Variants in ANKRD31 observed in about 807,000 individuals in gnomAD.
The protein encoded by ANKRD31 is ankyrin repeat domain 31.
In ANKRD31, 147 loss-of-function variants were observed where a neutral mutation model predicts 186.0. The ratio of observed to expected loss-of-function variants is 0.79; its 90% confidence interval spans 0.69 to 0.91. The LOEUF (loss-of-function observed/expected upper bound fraction) is 0.91, where lower values mean the gene tolerates loss of function less well. ANKRD31 is among the 40% of genes least tolerant of loss of function. ANKRD31 has a pLI of 0.00. For synonymous variants in ANKRD31, 673 were observed against 736.4 expected (o/e 0.91, Z 1.39); for missense variants, 1,986 against 2,148.8 (o/e 0.92, Z 1.50).
chr5:75,211,355 T>C (rs558784302), intron 3 of ANKRD31, among the ~76,000 whole-genome samples: 153 of 152,368 alleles, frequency 1.0e-3, no homozygotes, highest in African/African-American at 3.2e-3. Flanking sequence ...TATTCTACTG[T>C]ATGTATGTAC....
In ANKRD31 at chr5:75,105,126, T is replaced by C. The variant is rs753388212; in HGVS notation, c.4433A>G (p.Lys1478Arg). 3.3e-6 allele frequency: 5 copies of C among 1,537,088 alleles called. No individual in the cohort carries two copies. Among genetic ancestry groups the C allele is most frequent in the Non-Finnish European group, 4.4e-6 (5 of 1,146,844 alleles). The part of the protein sequence containing the change: ...RQKSLLVVAK[K>R]QKKISLKIQN... ...AATTTTCAGGCTTATTTTTTTCTGT[T>C]TTTTTGCCACAACTAAAAGGCTCTT... Residue 1478 changes from lysine (K) to arginine (R), a missense_variant, in exon 22 of 26, where the codon AAA becomes AGA. Coordinates refer to ENST00000506364, the MANE Select transcript of ANKRD31 (RefSeq NM_001372053.1).
chr5:75,207,673 T>C (rs1580558994), intron 4 of ANKRD31, among the ~76,000 whole-genome samples: 1 of 152,262 alleles, frequency 6.6e-6, no homozygotes, highest in East Asian at 1.9e-4. Flanking sequence ...ATCTGCAAGA[T>C]GATCCCAATT....
intron 10 of ANKRD31, among the ~76,000 whole-genome samples, chr5:75,178,281 A>G (rs1753985438): frequency 6.6e-6 from 1 of 152,202 alleles, no homozygotes; most frequent in African/African-American, 2.4e-5. Flanking sequence ...ACACATTAAT[A>G]ATGGGAGACT....
At chr5:75,175,596 A>G (rs1418648441) in intron 10 of ANKRD31, among the ~76,000 whole-genome samples, 1 of 151,960 alleles carries the variant, frequency 6.6e-6, no homozygotes, top group African/African-American at 2.4e-5. Flanking sequence ...CATTCATCAA[A>G]TGGCATATTT....
intron 5 of ANKRD31, among the ~76,000 whole-genome samples, chr5:75,200,911 CA>C (rs10664301): frequency 6.7e-4 from 88 of 131,556 alleles, no homozygotes; most frequent in South Asian, 1.5e-3. Flanking sequence ...GACTTCGCCT[CA>C]AAAAAAAAAA....
intron 3 of ANKRD31, among the ~76,000 whole-genome samples, chr5:75,219,962 T>A (rs962183129): frequency 3.9e-5 from 6 of 152,236 alleles, no homozygotes; most frequent in African/African-American, 1.4e-4. Context: ...ACTGGACCCC[T>A]TTCTTATACC....
At chr5:75,069,275 AT>A (rs34733519) in intron 25 of ANKRD31, among the ~76,000 whole-genome samples, 76,729 of 150,410 alleles carry the variant, frequency 0.51, 22,473 homozygotes, top group African/African-American at 0.82. Context: ...AGTCTGAGAG[AT>A]TTTTTTTTTT....
intron 11 of ANKRD31, among the ~76,000 whole-genome samples, chr5:75,157,338 G>A (rs967466932): frequency 6.6e-6 from 1 of 152,180 alleles, no homozygotes; most frequent in African/African-American, 2.4e-5. Context: ...TAAACTTAGA[G>A]GTTTGGCTGA....
rs1225908372 is a variant in ANKRD31 at position 75,146,306 on chromosome 5, C to T, written c.3105G>A (p.Gln1035=). Residue 1035 remains glutamine, a synonymous_variant, in exon 14 of 26, where the codon CAG becomes CAA. Coordinates refer to ENST00000506364, the MANE Select transcript of ANKRD31 (RefSeq NM_001372053.1). ...AAGTTGGTGCTCTGGGAATATAATC[C>T]TGTGGCTTTTTGAATAGCTCCACAT... The part of the protein sequence containing the change: ...TNHVELFKKP[Q]DYIPRAPTFL... The T allele has an allele frequency of 6.5e-7, 1 of 1,536,322 alleles. No individual in the cohort carries two copies. The highest frequency in any genetic ancestry group is 2.0e-5 in the Admixed American group (1 of 50,918).
At chr5:75,135,379 A>G (rs1004671877) in intron 17 of ANKRD31, among the ~76,000 whole-genome samples, 6 of 152,196 alleles carry the variant, frequency 3.9e-5, no homozygotes, top group African/African-American at 9.6e-5. Context: ...ATAACAGACA[A>G]ACAGAGAGCC....
intron 25 of ANKRD31, 85 bp from the exon 26 acceptor site, chr5:75,068,749 T>A (rs1456073904): frequency 7.4e-7 from 1 of 1,358,062 alleles, no homozygotes; most frequent in Admixed American, 3.1e-5. Flanking sequence ...TAGAATCCAA[T>A]CAAGTCTATT....
chr5:75,133,245 T>C (rs1007831542), intron 17 of ANKRD31, among the ~76,000 whole-genome samples: 7 of 152,134 alleles, frequency 4.6e-5, no homozygotes, highest in Non-Finnish European at 1.0e-4. Flanking sequence ...GACCTATCAG[T>C]GTGCTCTATT....
intron 10 of ANKRD31, among the ~76,000 whole-genome samples, chr5:75,178,543 C>A (rs1302354368): frequency 2.0e-5 from 3 of 152,096 alleles, no homozygotes; most frequent in Non-Finnish European, 2.9e-5. Context: ...TCTCTCAGAC[C>A]ACAGTGTAAT....
At chr5:75,195,493 CTTG>C (rs1362735365) in intron 7 of ANKRD31, 135 bp downstream of exon 7, 5 of 689,838 alleles carry the variant, frequency 7.2e-6, no homozygotes, top group Non-Finnish European at 1.2e-5. Context: ...ACAATGAAAA[CTTG>C]TTGAAGTTTA....
intron 19 of ANKRD31, among the ~76,000 whole-genome samples, chr5:75,113,386 C>A (rs1171856702): frequency 6.6e-6 from 1 of 152,156 alleles, no homozygotes; most frequent in Non-Finnish European, 1.5e-5. Flanking sequence ...ATGCTGATTT[C>A]CTTTTTCTCA....
intron 20 of ANKRD31, among the ~76,000 whole-genome samples, chr5:75,110,277 GA>G (rs1747664270): frequency 6.6e-6 from 1 of 152,110 alleles, no homozygotes; most frequent in Non-Finnish European, 1.5e-5. Context: ...ACATTGCAAA[GA>G]AAAAGACAAG....
At chr5:75,185,768 A>T (rs1242090129) in intron 10 of ANKRD31, among the ~76,000 whole-genome samples, 2 of 152,034 alleles carry the variant, frequency 1.3e-5, no homozygotes, top group Non-Finnish European at 2.9e-5. Context: ...GTATTAAAAA[A>T]ACACATTGTT....
intron 25 of ANKRD31, among the ~76,000 whole-genome samples, chr5:75,069,554 T>G (rs879459254): frequency 1.8e-4 from 27 of 147,674 alleles, no homozygotes; most frequent in Admixed American, 9.4e-4. Context: ...TGTTTTTTGG[T>G]TTTTTTTTTG....
chr5:75,190,365 A>G (rs1165447730), intron 9 of ANKRD31, among the ~76,000 whole-genome samples: 1 of 152,114 alleles, frequency 6.6e-6, no homozygotes, highest in Non-Finnish European at 1.5e-5. Flanking sequence ...TACTTAGTCT[A>G]ATTTTCTGTT....
Sources: gnomAD v4.1 joint callset for allele counts (sites outside exome capture counted in the v4.1 genomes callset) on GRCh38, gnomAD v4.1.1 for gene constraint, MANE v1.5 for transcripts, NCBI Gene and HGNC (gene_info 2026-07-23, HGNC 2026-07-21) for gene names.